The following PPP3R1 variants were observed in gnomAD, a reference collection of about 807,000 sequenced individuals.
PPP3R1 encodes protein phosphatase 3 regulatory subunit B, alpha.
A neutral mutation model predicts 22.6 loss-of-function variants in PPP3R1; 5 were observed. The ratio of observed to expected loss-of-function variants is 0.22; its 90% confidence interval spans 0.12 to 0.46. PPP3R1 has a LOEUF of 0.46. PPP3R1 is among the 20% of genes least tolerant of loss of function. The probability of loss-of-function intolerance (pLI) is 0.99; values close to 1 mark genes in which losing one functional copy is unlikely to be tolerated. For synonymous variants in PPP3R1, 56 were observed against 65.2 expected, an observed-to-expected ratio of 0.86 and a Z score of 0.68; for missense variants, 61 against 203.2, an observed-to-expected ratio of 0.30 and a Z score of 4.25.
intron 2 of PPP3R1, among the ~76,000 whole-genome samples, chr2:68,194,091 A>G (rs1234220594): frequency 6.6e-6 from 1 of 152,138 alleles, no homozygotes; most frequent in Non-Finnish European, 1.5e-5. Context: ...TTAACAGTTG[A>G]AAATGCCTAC....
At chr2:68,212,222 A>G (rs143991564) in intron 2 of PPP3R1, among the ~76,000 whole-genome samples, 1 of 152,314 alleles carries the variant, frequency 6.6e-6, no homozygotes, top group African/African-American at 2.4e-5. Context: ...CTGGGATTAC[A>G]GGCATGTGCC....
chr2:68,184,565 ACATT>A (rs1190456717), intron 5 of PPP3R1, among the ~76,000 whole-genome samples: 1 of 152,218 alleles, frequency 6.6e-6, no homozygotes, highest in African/African-American at 2.4e-5. Flanking sequence ...TTATTTGTAT[ACATT>A]AAGTACTCTG....
At chr2:68,232,655 G>A (rs1188588047) in intron 1 of PPP3R1, among the ~76,000 whole-genome samples, 1 of 152,058 alleles carries the variant, frequency 6.6e-6, no homozygotes, top group South Asian at 2.1e-4. Flanking sequence ...CACCCAGGCT[G>A]GAGTGCAGTG....
At chr2:68,231,638 C>G (rs116818032) in intron 1 of PPP3R1, among the ~76,000 whole-genome samples, 4 of 152,080 alleles carry the variant, frequency 2.6e-5, no homozygotes, top group Admixed American at 2.6e-4. Context: ...ATTTAAAATA[C>G]GTGTAGTTAT....
intron 1 of PPP3R1, among the ~76,000 whole-genome samples, chr2:68,242,306 A>C (rs570643863): frequency 9.9e-5 from 15 of 152,216 alleles, no homozygotes; most frequent in African/African-American, 3.4e-4. Context: ...GCGCACCCGC[A>C]ATCACAGCTA....
At chr2:68,186,759 G>A in intron 4 of PPP3R1, 107 bp from the exon 5 acceptor site, 1 of 1,030,662 alleles carries the variant, frequency 9.7e-7, no homozygotes, top group Non-Finnish European at 1.4e-6. Context: ...TTATGACTAT[G>A]AGGATGTCTC....
intron 1 of PPP3R1, among the ~76,000 whole-genome samples, chr2:68,242,382 C>T (rs1420102721): frequency 1.3e-5 from 2 of 151,108 alleles, no homozygotes; most frequent in East Asian, 1.9e-4. Context: ...GCCAAGATTG[C>T]GCCACTGCAC....
Position 68,252,261 on chromosome 2 carries a change from G to A in PPP3R1, c.-134C>T, listed in dbSNP as rs1670383105. 8.4e-6 allele frequency: 9 copies of A among 1,067,076 alleles called. No homozygotes were observed. Among genetic ancestry groups the A allele is most frequent in the South Asian group, 4.4e-5 (1 of 22,894 alleles). 66.1% of individuals were successfully genotyped at this position (1,067,076 alleles called of 1,614,324 possible). On this transcript the variant is annotated 5_prime_UTR_variant, in exon 1 of 6. Transcript: ENST00000234310. The stretch of plus-strand genomic sequence containing the variant: ...CCGGCGGGGAGGGGGCGCGCGTGGG[G>A]GAGGGGAGGCGGCGCCGCGGGGCCC...
intron 2 of PPP3R1, among the ~76,000 whole-genome samples, chr2:68,193,288 A>AT (rs1489486901): frequency 1.3e-5 from 2 of 152,072 alleles, no homozygotes; most frequent in African/African-American, 4.8e-5. Flanking sequence ...CACATACCCC[A>AT]TGTAGCTAAA....
At chr2:68,239,897 T>C (rs528426848) in intron 1 of PPP3R1, among the ~76,000 whole-genome samples, 23 of 152,272 alleles carry the variant, frequency 1.5e-4, no homozygotes, top group African/African-American at 3.1e-4. Context: ...CTTAAAGCGG[T>C]TGATTTTCAA....
chr2:68,229,914 A>G (rs80076253), intron 1 of PPP3R1, among the ~76,000 whole-genome samples: 10,117 of 150,058 alleles, frequency 0.067, 413 homozygotes, highest in Middle Eastern at 0.22. Context: ...GTGTGTGTAT[A>G]TGTGTATATA....
chr2:68,250,384 TTACTATTTGGAAACCA>T (rs1670324625), intron 1 of PPP3R1, among the ~76,000 whole-genome samples: 2 of 152,030 alleles, frequency 1.3e-5, no homozygotes, highest in African/African-American at 4.8e-5. Context: ...CGCAAGAGAG[TTACTATTTGGAAACCA>T]TACCACTTCG....
In PPP3R1 at chr2:68,191,556, T is replaced by C. The variant is rs372554392; in HGVS notation, c.44-2866A>G. ...ATTACTGTAGACTTTATAAACTCTG[T>C]ACACTTAGGCTACACTAATGATGCA... is the stretch of plus-strand genomic sequence containing the variant. On this transcript the variant is annotated intron_variant, in intron 2 of 5. Coordinates refer to ENST00000234310, the MANE Select transcript of PPP3R1 (RefSeq NM_000945.4). Among the ~76,000 whole-genome samples the C allele has an allele frequency of 9.3e-4, 141 of 152,334 alleles. 2 individuals are homozygous for C. In the East Asian group the frequency reaches 0.015, roughly 16 times the overall value.
intron 1 of PPP3R1, among the ~76,000 whole-genome samples, chr2:68,231,173 T>G (rs1669889406): frequency 6.6e-6 from 1 of 152,196 alleles, no homozygotes; most frequent in Non-Finnish European, 1.5e-5. Context: ...ACATTTTTTT[T>G]TTCAGTCTGT....
chr2:68,252,013 G>C, intron 1 of PPP3R1, 112 bp downstream of exon 1: 2 of 1,129,640 alleles, frequency 1.8e-6, no homozygotes, highest in Non-Finnish European at 2.3e-6. Context: ...CCGGGTCTCT[G>C]GAATTTTCCA....
At chr2:68,224,943 A>G (rs754704002) in intron 1 of PPP3R1, among the ~76,000 whole-genome samples, 1 of 152,266 alleles carries the variant, frequency 6.6e-6, no homozygotes, top group Non-Finnish European at 1.5e-5. Context: ...AAGACATTTA[A>G]TATCACTAGA....
chr2:68,247,059 C>G (rs1670250775), intron 1 of PPP3R1, among the ~76,000 whole-genome samples: 1 of 150,996 alleles, frequency 6.6e-6, no homozygotes, highest in Admixed American at 6.6e-5. Context: ...AAGCTCAAGC[C>G]ATCCTCCCAC....
At chr2:68,218,692 GTATTT>G (rs1375761224) in intron 1 of PPP3R1, among the ~76,000 whole-genome samples, 1 of 147,146 alleles carries the variant, frequency 6.8e-6, no homozygotes, top group African/African-American at 2.5e-5. Flanking sequence ...GAGCATACCG[GTATTT>G]TATTTACTAA....
At chr2:68,189,938 T>C (rs2103724712) in intron 2 of PPP3R1, among the ~76,000 whole-genome samples, 1 of 152,104 alleles carries the variant, frequency 6.6e-6, no homozygotes, top group East Asian at 1.9e-4. Flanking sequence ...GCAAATGTTA[T>C]ACTGCCCATG....
Sources: allele counts gnomAD v4.1 joint callset (sites outside exome capture counted in the v4.1 genomes callset), GRCh38; gene constraint gnomAD v4.1.1; transcripts MANE v1.5; gene names NCBI Gene and HGNC (gene_info 2026-07-23, HGNC 2026-07-21).